The following LARGE1 variants were observed in gnomAD, a reference collection of about 807,000 sequenced individuals.
LARGE1 encodes the protein LARGE xylosyl- and glucuronyltransferase 1.
Under a neutral mutation model 87.6 loss-of-function variants are expected in LARGE1, and 43 were observed. That is an observed-to-expected ratio of 0.49 (90% CI 0.38 to 0.63). LARGE1 has a LOEUF of 0.63. Ranked by LOEUF, LARGE1 falls within the 30% of genes least tolerant of loss-of-function variation. The probability of loss-of-function intolerance (pLI) is 0.00; values close to 1 mark genes in which losing one functional copy is unlikely to be tolerated. For synonymous variants in LARGE1, 434 were observed against 394.6 expected, an observed-to-expected ratio of 1.10 and a Z score of -1.18; for missense variants, 802 against 1,000.2, an observed-to-expected ratio of 0.80 and a Z score of 2.67.
At chr22:33,098,353 C>T in the LARGE1 span, among the ~76,000 whole-genome samples, 2 of 152,166 alleles carry the variant, frequency 1.3e-5, no homozygotes, top group Admixed American at 1.3e-4. Context: ...GGCGCAGTGG[C>T]TCAAGCCTGT....
At chr22:33,330,480 A>G (rs1937592302) in intron 10 of LARGE1, among the ~76,000 whole-genome samples, 1 of 152,204 alleles carries the variant, frequency 6.6e-6, no homozygotes, top group South Asian at 2.1e-4. Context: ...GAGCTACCGC[A>G]CCCTGCCATT....
chr22:33,159,835 C>T (rs374506554), downstream of LARGE1, among the ~76,000 whole-genome samples: 1 of 151,852 alleles, frequency 6.6e-6, no homozygotes, highest in Admixed American at 6.6e-5. Context: ...GATCCACCCG[C>T]CTCAGCCTCC....
rs372828593 is a variant in LARGE1, at chr22:33,244,231, G to A, written c.1730+59998C>T. On this transcript the variant is annotated intron_variant, in intron 11 of 11. Coordinates refer to the LARGE1 transcript ENST00000608642. ...AGGATGGTCTCGATCTCCTGACCTC[G>A]TGATCCGCCCACTTCGGCCTCCCAA... 2.9e-3 allele frequency among the ~76,000 whole-genome samples: 433 copies of A among 151,806 alleles called. 1 individual carries two copies. Among genetic ancestry groups the A allele is most frequent in the Non-Finnish European group, 4.7e-3 (316 of 67,954 alleles).
At chr22:33,505,063 A>T (rs2070698073) in intron 6 of LARGE1, among the ~76,000 whole-genome samples, 1 of 152,232 alleles carries the variant, frequency 6.6e-6, no homozygotes, top group Admixed American at 6.5e-5. Flanking sequence ...TCAGTACTGA[A>T]AGTTAAAGCC....
At chr22:33,733,959 A>G (rs746036130) in intron 2 of LARGE1, among the ~76,000 whole-genome samples, 7 of 152,162 alleles carry the variant, frequency 4.6e-5, no homozygotes, top group Non-Finnish European at 8.8e-5. Flanking sequence ...ACTGCCTCAC[A>G]GTTTTAGAGG....
At chr22:33,689,171 C>G (rs913893642) in intron 2 of LARGE1, among the ~76,000 whole-genome samples, 8 of 151,516 alleles carry the variant, frequency 5.3e-5, no homozygotes. Context: ...CTCTCTCCCC[C>G]CTCCTGTGTG....
chr22:33,871,858 GA>G (rs960200082), intron 1 of LARGE1, among the ~76,000 whole-genome samples: 7 of 144,732 alleles, frequency 4.8e-5, no homozygotes, highest in East Asian at 2.0e-4. Flanking sequence ...ATGACCTTCA[GA>G]AAAAAAAAAT....
At chr22:33,360,998 C>G (rs1374498441) in intron 9 of LARGE1, among the ~76,000 whole-genome samples, 1 of 149,124 alleles carries the variant, frequency 6.7e-6, no homozygotes, top group Non-Finnish European at 1.5e-5. Context: ...GGGTGGATCA[C>G]GAGGTCGGGA....
intron 11 of LARGE1, among the ~76,000 whole-genome samples, chr22:33,253,158 A>C (rs1406502360): frequency 6.6e-6 from 1 of 152,124 alleles, no homozygotes; most frequent in Non-Finnish European, 1.5e-5. Flanking sequence ...CTACTTAGCC[A>C]CTCTGTTTGC....
chr22:33,369,392 T>G (rs1352808962), intron 9 of LARGE1, among the ~76,000 whole-genome samples: 2 of 152,138 alleles, frequency 1.3e-5, no homozygotes, highest in African/African-American at 4.8e-5. Context: ...CTCATGCATG[T>G]TTTTGGATCA....
chr22:33,296,183 G>A (rs1933222703), intron 12 of LARGE1, among the ~76,000 whole-genome samples: 2 of 152,192 alleles, frequency 1.3e-5, no homozygotes, highest in South Asian at 4.1e-4. Flanking sequence ...ACGCTGGCTG[G>A]GGATCACGGG....
chr22:33,432,759 T>C (rs1292285956), intron 6 of LARGE1, among the ~76,000 whole-genome samples: 1 of 152,204 alleles, frequency 6.6e-6, no homozygotes, highest in Non-Finnish European at 1.5e-5. Flanking sequence ...GGAGGAGGGA[T>C]TACCCTTGTT....
chr22:33,854,065 T>C (rs2063686558), intron 1 of LARGE1, among the ~76,000 whole-genome samples: 2 of 152,110 alleles, frequency 1.3e-5, no homozygotes, highest in African/African-American at 4.8e-5. Context: ...TTGCCTATTG[T>C]GGATTAAAAA....
intron 6 of LARGE1, among the ~76,000 whole-genome samples, chr22:33,521,477 T>A (rs2071591062): frequency 1.3e-5 from 2 of 152,196 alleles, no homozygotes; most frequent in Admixed American, 6.5e-5. Flanking sequence ...GCAGACAGGC[T>A]CCCAGAGTGG....
chr22:33,570,080 T>C (rs1164934250), intron 5 of LARGE1, among the ~76,000 whole-genome samples: 2 of 152,208 alleles, frequency 1.3e-5, no homozygotes, highest in African/African-American at 4.8e-5. Context: ...CTGGTTCTAC[T>C]TTTAATGAGC....
intron 11 of LARGE1, among the ~76,000 whole-genome samples, chr22:33,222,188 G>C (rs757339093): frequency 6.6e-6 from 1 of 152,184 alleles, no homozygotes; most frequent in Non-Finnish European, 1.5e-5. Context: ...TAAGAAAAAA[G>C]AAAAAGGGCA....
At chr22:33,451,910 C>G (rs2067947527) in intron 6 of LARGE1, among the ~76,000 whole-genome samples, 1 of 152,164 alleles carries the variant, frequency 6.6e-6, no homozygotes, top group African/African-American at 2.4e-5. Context: ...TCCCACTTAT[C>G]AGTGACAACA....
chr22:33,747,823 TG>T (rs2084148805), intron 2 of LARGE1: 1 of 152,070 alleles, frequency 6.6e-6, no homozygotes, highest in Non-Finnish European at 1.5e-5. Flanking sequence ...TCATCTGAAA[TG>T]GTAAACCCTT....
chr22:33,837,315 C>T (rs1335458230), intron 1 of LARGE1, among the ~76,000 whole-genome samples: 5 of 150,372 alleles, frequency 3.3e-5, no homozygotes, highest in East Asian at 1.9e-4. Flanking sequence ...CATATGGATA[C>T]GAACAGGATA....
Sources: allele counts gnomAD v4.1 joint callset (sites outside exome capture counted in the v4.1 genomes callset), GRCh38; gene constraint gnomAD v4.1.1; transcripts MANE v1.5; gene names NCBI Gene and HGNC (gene_info 2026-07-23, HGNC 2026-07-21).